MDGA2: variants seen among roughly 807,000 people sequenced by gnomAD.
MDGA2 encodes MAM domain containing glycosylphosphatidylinositol anchor 2.
In MDGA2, 40 loss-of-function variants were observed where a neutral mutation model predicts 117.8. The ratio of observed to expected loss-of-function variants is 0.34; its 90% CI spans 0.26 to 0.44. The LOEUF is 0.44. MDGA2 is among the 20% of genes least tolerant of loss of function. The pLI is 1.00. For missense variants in MDGA2, 1,123 were observed against 1,250.6 expected (o/e 0.90, Z 1.54); for synonymous variants, 452 against 439.0 (o/e 1.03, Z -0.37).
chr14:47,094,343 C>T (rs7143478), intron 6 of MDGA2, among the ~76,000 whole-genome samples: 14,591 of 151,930 alleles, frequency 0.096, 836 homozygotes, highest in African/African-American at 0.16. Context: ...TCAGGTCTTT[C>T]ATGTCAAAGT....
chr14:47,288,704 T>G (rs899251505), intron 2 of MDGA2, among the ~76,000 whole-genome samples: 10 of 152,158 alleles, frequency 6.6e-5, no homozygotes, highest in African/African-American at 2.4e-4. Context: ...ATTTTTAGTT[T>G]TTTTGTTAAG....
intron 1 of MDGA2, among the ~76,000 whole-genome samples, chr14:47,386,827 T>G (rs112435397): frequency 6.1e-4 from 93 of 152,362 alleles, no homozygotes; most frequent in African/African-American, 2.2e-3. Flanking sequence ...GCACACTGCC[T>G]GGCTTCAGAT....
intron 10 of MDGA2, among the ~76,000 whole-genome samples, chr14:46,900,127 G>T (rs1883228731): frequency 6.6e-6 from 1 of 152,060 alleles, no homozygotes; most frequent in Non-Finnish European, 1.5e-5. Context: ...ATATCATCGG[G>T]CATTAGAGAA....
At chr14:47,549,659 A>C (rs947152192) in intron 1 of MDGA2, among the ~76,000 whole-genome samples, 5 of 152,278 alleles carry the variant, frequency 3.3e-5, no homozygotes, top group South Asian at 2.1e-4. Flanking sequence ...ATGGCCTATA[A>C]GAATGTAATT....
intron 1 of MDGA2, among the ~76,000 whole-genome samples, chr14:47,340,066 TATTAGA>T (rs1325711844): frequency 6.6e-6 from 1 of 152,146 alleles, no homozygotes; most frequent in African/African-American, 2.4e-5. Flanking sequence ...CTTAGACTCA[TATTAGA>T]ATTAGAAGAA....
intron 1 of MDGA2, among the ~76,000 whole-genome samples, chr14:47,335,956 C>T (rs1890444401): frequency 6.6e-6 from 1 of 150,962 alleles, no homozygotes; most frequent in South Asian, 2.1e-4. Context: ...ATGTAGGATC[C>T]CTTGTTCAAA....
intron 10 of MDGA2, among the ~76,000 whole-genome samples, chr14:46,904,357 CAAAAA>C (rs5808366): frequency 1.4e-5 from 1 of 73,858 alleles, no homozygotes; most frequent in Non-Finnish European, 3.2e-5. Flanking sequence ...GACTCTGTCT[CAAAAA>C]AAAAAAAAAA....
intron 1 of MDGA2, among the ~76,000 whole-genome samples, chr14:47,307,547 G>A (rs752033901): frequency 3.3e-5 from 5 of 152,040 alleles, no homozygotes; most frequent in East Asian, 1.9e-4. Flanking sequence ...CAGGTGTGGT[G>A]GTGGGTGCCT....
At chr14:46,860,757 T>C (rs1040501072) in intron 14 of MDGA2, among the ~76,000 whole-genome samples, 2 of 151,902 alleles carry the variant, frequency 1.3e-5, no homozygotes, top group Non-Finnish European at 2.9e-5. Flanking sequence ...CCTTTATATC[T>C]AGACTTTATC....
chr14:47,134,729 A>G (rs1882367325), intron 4 of MDGA2, among the ~76,000 whole-genome samples: 1 of 151,652 alleles, frequency 6.6e-6, no homozygotes, highest in Admixed American at 6.6e-5. Flanking sequence ...AACAATATAT[A>G]ATACATGCAA....
chr14:47,117,252 G>C (rs559453794), intron 5 of MDGA2, among the ~76,000 whole-genome samples: 20 of 152,194 alleles, frequency 1.3e-4, no homozygotes, highest in African/African-American at 4.8e-4. Context: ...TTTAAAGAAA[G>C]ACGATAAGTG....
At chr14:47,490,251 T>A (rs1288358469) in intron 1 of MDGA2, among the ~76,000 whole-genome samples, 5 of 152,128 alleles carry the variant, frequency 3.3e-5, no homozygotes, top group African/African-American at 1.2e-4. Flanking sequence ...TTATTCAAAA[T>A]CACTTTCTTA....
chr14:47,182,608 C>T (rs76997339), intron 3 of MDGA2, among the ~76,000 whole-genome samples: 1,760 of 152,256 alleles, frequency 0.012, 41 homozygotes, highest in African/African-American at 0.041. Flanking sequence ...GGAGATGACA[C>T]ATTTCTATTG....
chr14:47,609,428 CATATATATATATATATATATATATATAT>C (rs3040345), intron 1 of MDGA2, among the ~76,000 whole-genome samples: 11 of 17,558 alleles, frequency 6.3e-4, no homozygotes, highest in African/African-American at 1.4e-3. Flanking sequence ...AGTATTCCAT[CATATATATATATATATATATATATATAT>C]ATATATATAA....
At chr14:47,584,959 G>A (rs959928795) in intron 1 of MDGA2, among the ~76,000 whole-genome samples, 2 of 151,686 alleles carry the variant, frequency 1.3e-5, no homozygotes, top group African/African-American at 4.8e-5. Flanking sequence ...ACTCAATAAA[G>A]CTTTTTCTGA....
chr14:47,588,169 T>C (rs1447659719), intron 1 of MDGA2, among the ~76,000 whole-genome samples: 1 of 150,096 alleles, frequency 6.7e-6, no homozygotes, highest in African/African-American at 2.4e-5. Flanking sequence ...TTATGAATAA[T>C]GCTGTCATGA....
intron 1 of MDGA2, among the ~76,000 whole-genome samples, chr14:47,361,002 G>T (rs1016650351): frequency 2.6e-5 from 4 of 152,052 alleles, no homozygotes; most frequent in African/African-American, 9.7e-5. Flanking sequence ...TAAGTCTAGA[G>T]ATCTAATGTA....
chr14:47,404,690 C>T (rs1156547200), intron 1 of MDGA2, among the ~76,000 whole-genome samples: 2 of 151,952 alleles, frequency 1.3e-5, no homozygotes, highest in Non-Finnish European at 2.9e-5. Context: ...GATAGGGTCT[C>T]ACTATGTTGC....
At chr14:47,137,969 C>A (rs1219246001) in intron 4 of MDGA2, among the ~76,000 whole-genome samples, 1 of 152,060 alleles carries the variant, frequency 6.6e-6, no homozygotes, top group African/African-American at 2.4e-5. Flanking sequence ...GTGGGTAATA[C>A]AGATGAAGTC....
Sources: allele counts gnomAD v4.1 joint callset (sites outside exome capture counted in the v4.1 genomes callset), GRCh38; gene constraint gnomAD v4.1.1; transcripts MANE v1.5; gene names NCBI Gene and HGNC (gene_info 2026-07-23, HGNC 2026-07-21).